Variants in AS3MT observed in about 807,000 individuals in gnomAD.
The protein encoded by AS3MT is arsenite methyltransferase, also known as S-adenosyl-L-methionine:arsenic(III) methyltransferase.
AS3MT carries 47 observed loss-of-function variants against 45.3 expected under a neutral mutation model. The ratio of observed to expected loss-of-function variants is 1.04; its 90% CI spans 0.82 to 1.32. The LOEUF is 1.32. Among genes scored for constraint, AS3MT ranks in the 40% most tolerant of loss-of-function variants. The probability of loss-of-function intolerance (pLI) is 0.00; values close to 1 mark genes in which losing one functional copy is unlikely to be tolerated. For synonymous variants in AS3MT, 141 were observed against 152.8 expected (o/e 0.92, Z 0.57); for missense variants, 396 against 451.1 (o/e 0.88, Z 1.11).
At chr10:102,890,093 C>A (rs1401793615) in intron 9 of AS3MT, among the ~76,000 whole-genome samples, 2 of 151,062 alleles carry the variant, frequency 1.3e-5, no homozygotes, top group African/African-American at 4.9e-5. Flanking sequence ...CTCCACCTCC[C>A]GGGTTCACAC....
At chr10:102,878,826 C>T (rs1258068924) in intron 8 of AS3MT, 23 bp from the exon 9 acceptor site, 14 of 1,608,628 alleles carry the variant, frequency 8.7e-6, no homozygotes, top group Middle Eastern at 1.7e-4. Context: ...TGGAGATGAA[C>T]CGTGAATAAA....
intron 10 of AS3MT, among the ~76,000 whole-genome samples, chr10:102,895,080 T>G (rs2134131964): frequency 6.6e-6 from 1 of 152,346 alleles, no homozygotes; most frequent in East Asian, 1.9e-4. Context: ...TTGACCCTTT[T>G]TGTTGACAAT....
At chr10:102,890,804 G>C in intron 10 of AS3MT, 126 bp downstream of exon 10, 1 of 828,662 alleles carries the variant, frequency 1.2e-6, no homozygotes, top group Non-Finnish European at 1.8e-6. Flanking sequence ...TCCGCCTCCT[G>C]GGTTCAAGCA....
At chr10:102,878,119 T>C (rs1048705442) in intron 7 of AS3MT, among the ~76,000 whole-genome samples, 1 of 152,112 alleles carries the variant, frequency 6.6e-6, no homozygotes, top group African/African-American at 2.4e-5. Flanking sequence ...ACTGCATACA[T>C]GAATATTATG....
rs1033125530 is a variant in AS3MT, at chr10:102,869,512, C to G, written c.-81C>G. On this transcript the variant is annotated 5_prime_UTR_variant, in exon 1 of 11. Coordinates refer to ENST00000369880, the MANE Select transcript of AS3MT (RefSeq NM_020682.4). ...GAGCCCGCCGTCCTGAGTCGCAGGC[C>G]GAGGAGACAGTGAGTGCGCGCCCTG... 28 of 1,383,838 alleles carry G rather than the reference C, an allele frequency of 2.0e-5. 1 individual carries two copies. In the South Asian group the frequency reaches 3.5e-4, roughly 17 times the overall value. 85.7% of individuals were successfully genotyped at this position (1,383,838 alleles called of 1,614,324 possible).
At chr10:102,886,676 T>G (rs1844963638) in intron 9 of AS3MT, among the ~76,000 whole-genome samples, 1 of 151,976 alleles carries the variant, frequency 6.6e-6, no homozygotes, top group Non-Finnish European at 1.5e-5. Flanking sequence ...TGGACTGGAG[T>G]GCAGTGGTGC....
At chr10:102,888,082 T>A in intron 9 of AS3MT, 1 of 165,558 alleles carries the variant, frequency 6.0e-6, no homozygotes, top group Admixed American at 5.8e-5. Flanking sequence ...TCCATTCACT[T>A]TAATCCTCTC....
intron 3 of AS3MT, 45 bp from the exon 4 acceptor site, chr10:102,872,403 G>T (rs766387558): frequency 1.2e-6 from 2 of 1,604,114 alleles, no homozygotes; most frequent in Non-Finnish European, 1.7e-6. Flanking sequence ...GTGGTTTCAT[G>T]TCTTACAGTC....
In AS3MT at chr10:102,900,756, T is replaced by A; in HGVS notation, c.*56T>A. 7.4e-7 allele frequency: 1 copy of A among 1,349,016 alleles called. No individual in the cohort carries two copies. The highest frequency in any genetic ancestry group is 1.1e-6 in the Non-Finnish European group (1 of 940,100). 83.6% of individuals were successfully genotyped at this position (1,349,016 alleles called of 1,614,324 possible). ...GGGCAAGAGTGATCTGCATGTTTTT[T>A]AACCTGCTTTTCCCCATAGCACAGA... On this transcript the variant is annotated 3_prime_UTR_variant, in exon 11 of 11. Transcript: ENST00000369880.
chr10:102,889,607 T>TCGGC (rs1845025140), intron 9 of AS3MT, among the ~76,000 whole-genome samples: 1 of 123,588 alleles, frequency 8.1e-6, no homozygotes, highest in Non-Finnish European at 1.7e-5. Context: ...CCCCTGCCTG[T>TCGGC]CTGCCTGCCT....
chr10:102,899,957 G>A (rs894736268), intron 10 of AS3MT, among the ~76,000 whole-genome samples: 2 of 152,176 alleles, frequency 1.3e-5, no homozygotes, highest in South Asian at 2.1e-4. Context: ...GTGAGCCACC[G>A]TGCCCAGACC....
intron 9 of AS3MT, among the ~76,000 whole-genome samples, chr10:102,886,523 C>T (rs1844960123): frequency 6.6e-6 from 1 of 151,924 alleles, no homozygotes; most frequent in African/African-American, 2.4e-5. Flanking sequence ...GACGGGGTTT[C>T]ACCATATTGG....
intron 9 of AS3MT, among the ~76,000 whole-genome samples, chr10:102,879,519 A>C (rs1844840145): frequency 6.6e-6 from 1 of 151,970 alleles, no homozygotes; most frequent in Non-Finnish European, 1.5e-5. Flanking sequence ...TAATCCTAGC[A>C]CTTTGGGAGG....
intron 10 of AS3MT, among the ~76,000 whole-genome samples, chr10:102,899,302 C>T (rs946705821): frequency 1.3e-5 from 2 of 152,080 alleles, no homozygotes; most frequent in Non-Finnish European, 2.9e-5. Flanking sequence ...CAGGCCAGGG[C>T]AAACCCTTTC....
At chr10:102,880,295 G>T (rs12244388) in intron 9 of AS3MT, among the ~76,000 whole-genome samples, 8 of 151,686 alleles carry the variant, frequency 5.3e-5, no homozygotes, top group African/African-American at 1.9e-4. Context: ...TATTATTATT[G>T]TTTTTTATTT....
chr10:102,883,888 C>T (rs1398491891), intron 9 of AS3MT, among the ~76,000 whole-genome samples: 1 of 151,878 alleles, frequency 6.6e-6, no homozygotes, highest in African/African-American at 2.4e-5. Context: ...AATTAAAATG[C>T]ATTACCTCAC....
Position 102,878,900 on chromosome 10 carries a change from C to T in AS3MT, c.794C>T (p.Thr265Ile). 1 of 1,614,038 alleles carries T rather than the reference C, an allele frequency of 6.2e-7. No homozygotes were observed. Among genetic ancestry groups the T allele is most frequent in the Non-Finnish European group, 8.5e-7 (1 of 1,179,966 alleles). ...TTTCGCCTCTTCAAACACTCTAAGA[C>T]AGGACCAACCAAGAGATGCCAAGTT... is the stretch of plus-strand genomic sequence containing the variant. ...ATFRLFKHSK[T>I]GPTKRCQVIY... is the part of the protein sequence containing the mutation. The change falls in exon 9 of 11, where the codon ACA becomes ATA. Residue 265 changes from threonine to isoleucine, a missense_variant. Physicochemically the swap from Thr to Ile is moderately conservative, Grantham distance 89. Transcript: ENST00000369880.
At chr10:102,869,881 G>A in intron 2 of AS3MT, 36 bp downstream of exon 2, 1 of 1,612,548 alleles carries the variant, frequency 6.2e-7, no homozygotes, top group Admixed American at 1.7e-5. Flanking sequence ...CCCAAGTGGA[G>A]CCTAGGCTAA....
intron 9 of AS3MT, among the ~76,000 whole-genome samples, chr10:102,888,710 C>G (rs1393884740): frequency 6.6e-6 from 1 of 150,480 alleles, no homozygotes; most frequent in African/African-American, 2.4e-5. Flanking sequence ...CATGAGCCAC[C>G]ACACCTGGCC....
Sources: allele counts gnomAD v4.1 joint callset (sites outside exome capture counted in the v4.1 genomes callset), GRCh38; gene constraint gnomAD v4.1.1; transcripts MANE v1.5; gene names NCBI Gene and HGNC (gene_info 2026-07-23, HGNC 2026-07-21).